ZNF660: variants seen among roughly 807,000 people sequenced by gnomAD.
ZNF660 encodes the protein zinc finger protein 660.
A neutral mutation model predicts 23.2 loss-of-function variants in ZNF660; 24 were observed. The observed-to-expected ratio is 1.04, with a 90% confidence interval of 0.75 to 1.46. The LOEUF (loss-of-function observed/expected upper bound fraction) is 1.46. Ranked by LOEUF, ZNF660 falls within the 40% of genes most tolerant of loss-of-function variation. ZNF660 has a pLI of 0.00. For missense variants in ZNF660, 373 were observed against 396.8 expected (o/e 0.94, Z 0.51); for synonymous variants, 117 against 131.4 (o/e 0.89, Z 0.75).
intron 2 of ZNF660, among the ~76,000 whole-genome samples, chr3:44,590,418 A>G (rs1415111085): frequency 6.6e-6 from 1 of 152,090 alleles, no homozygotes; most frequent in Non-Finnish European, 1.5e-5. Flanking sequence ...GAGGGAGAGC[A>G]TGTAAGAGAA....
intron 2 of ZNF660, among the ~76,000 whole-genome samples, chr3:44,592,275 A>G (rs569494859): frequency 5.9e-5 from 9 of 152,350 alleles, no homozygotes; most frequent in South Asian, 2.1e-4. Context: ...CCATAAATAT[A>G]TATACTTTTT....
Position 44,595,750 on chromosome 3 carries a change from C to T in ZNF660, c.*561C>T, listed in dbSNP as rs974212617. ...TTTCACTCAGCAGTGTTATGAAAGG[C>T]ACGTAGTATATAGAGCCCAAAGCCC... is the stretch of plus-strand genomic sequence containing the variant. On this transcript the variant is annotated 3_prime_UTR_variant, in exon 3 of 3. Transcript: ENST00000322734. 1.2e-5 allele frequency: 2 copies of T among 167,262 alleles called. No homozygotes were observed. Among genetic ancestry groups the T allele is most frequent in the Non-Finnish European group, 2.9e-5 (2 of 68,286 alleles). The allele number at this position is 167,262 out of a possible 1,614,324, so 10.4% of individuals were successfully genotyped here.
In ZNF660 at chr3:44,594,911, C is replaced by G. The variant is rs767591072; in HGVS notation, c.718C>G (p.His240Asp). 5 of 1,614,082 alleles carry G rather than the reference C, an allele frequency of 3.1e-6. No homozygotes were observed. Among genetic ancestry groups the G allele is most frequent in the Non-Finnish European group, 3.4e-6 (4 of 1,180,024 alleles). Residue 240 changes from histidine (H) to aspartate (D), a missense_variant, in exon 3 of 3, where the codon CAT becomes GAT. Coordinates refer to ENST00000322734, the MANE Select transcript of ZNF660 (RefSeq NM_173658.4). ...AACTCTTAATGAACACCAGAGACTT[C>G]ATCGTAGAGAGAAACCTTACAAATG... ...RKTLNEHQRLHRREKPYKCNE... is the reference protein window; with the variant it reads ...RKTLNEHQRLDRREKPYKCNE...
chr3:44,593,894 G>T (rs1041753515), intron 2 of ZNF660, 120 bp from the exon 3 acceptor site: 4 of 466,874 alleles, frequency 8.6e-6, no homozygotes, highest in Non-Finnish European at 1.2e-5. Context: ...TTTTTGATCT[G>T]TTCCCCTGCC....
At position 44,595,053 on chromosome 3, in the gene ZNF660, C is replaced by T. The variant is rs765196784; in HGVS notation, c.860C>T (p.Ser287Phe). Residue 287 changes from serine (S) to phenylalanine (F), a missense_variant, in exon 3 of 3, where the codon TCT (serine) becomes TTT (phenylalanine). Ser to Phe is a radical substitution (Grantham distance 155). Coordinates refer to ENST00000322734, the MANE Select transcript of ZNF660 (RefSeq NM_173658.4). ...NECGKTFRQT[S>F]QVILHLRTHT... The stretch of plus-strand genomic sequence containing the variant: ...TGTGGGAAAACCTTCAGGCAGACTT[C>T]TCAAGTTATTCTACACTTGAGAACC... The T allele has an allele frequency of 6.2e-7, 1 of 1,613,974 alleles. No individual in the cohort carries two copies. The highest frequency in any genetic ancestry group is 1.7e-5 in the Admixed American group (1 of 60,002).
intron 1 of ZNF660, among the ~76,000 whole-genome samples, chr3:44,585,647 G>A (rs901358771): frequency 6.6e-6 from 1 of 152,126 alleles, no homozygotes; most frequent in Non-Finnish European, 1.5e-5. Context: ...CAGAAAAAAG[G>A]AACATTCTTT....
rs1700533784 is a variant in ZNF660 at position 44,594,294 on chromosome 3, G to A, written c.101G>A (p.Cys34Tyr). 3.1e-6 allele frequency: 5 copies of A among 1,613,994 alleles called. No homozygotes were observed. Among genetic ancestry groups the A allele is most frequent in the Admixed American group, 1.7e-5 (1 of 60,010 alleles). Reference protein sequence around the residue: ...DQESEKDNSQCCDPATNERVQ... With the variant: ...DQESEKDNSQYCDPATNERVQ... ...GAATCTGAAAAAGACAATAGTCAGTGCTGTGACCCTGCAACAAATGAGAGA... is the reference window on the plus strand; with the variant it reads ...GAATCTGAAAAAGACAATAGTCAGTACTGTGACCCTGCAACAAATGAGAGA... Residue 34 changes from cysteine (C) to tyrosine (Y), a missense_variant, in exon 3 of 3, where the codon TGC (cysteine) becomes TAC (tyrosine). Transcript: ENST00000322734.
At chr3:44,593,531 T>C (rs1020046912) in intron 2 of ZNF660, among the ~76,000 whole-genome samples, 5 of 151,574 alleles carry the variant, frequency 3.3e-5, no homozygotes, top group Admixed American at 6.6e-5. Flanking sequence ...CTGGCCAACA[T>C]AGTGAAACCC....
Position 44,598,142 on chromosome 3 carries a change from CTT to C in ZNF660, c.*2968_*2969del, listed in dbSNP as rs57347534. 0.47 allele frequency: 45,299 copies of C among 95,576 alleles called. 6,830 individuals are homozygous for C. Among genetic ancestry groups the C allele is most frequent in the East Asian group, 0.71 (2,874 of 4,046 alleles). The allele number at this position is 95,576 out of a possible 1,614,324, so 5.9% of individuals were successfully genotyped here. ...CTTTTTCTTTCTTTTCTTTTCTTTTCTTTTTTTTTTTTTTTTGAGATGGAATC... is the reference window on the plus strand; with the variant it reads ...CTTTTTCTTTCTTTTCTTTTCTTTTCTTTTTTTTTTTTTTGAGATGGAATC... On this transcript the variant is annotated 3_prime_UTR_variant, in exon 3 of 3. Coordinates refer to ENST00000322734, the MANE Select transcript of ZNF660 (RefSeq NM_173658.4).
rs1310304767 is a variant in ZNF660 at position 44,594,474 on chromosome 3, T to C, written c.281T>C (p.Val94Ala). 1 of 1,614,002 alleles carries C rather than the reference T, an allele frequency of 6.2e-7. No individual in the cohort carries two copies. Among genetic ancestry groups the C allele is most frequent in the East Asian group, 2.2e-5 (1 of 44,892 alleles). ...GCTTTCAGTCATAGCTCTAACCTTG[T>C]TGTTCATCGGAGAATCCACACTGGA... ...GKAFSHSSNL[V>A]VHRRIHTGLK... Residue 94 changes from valine (V) to alanine (A), a missense_variant, in exon 3 of 3, where the codon GTT becomes GCT. By Grantham distance (64) the Val-to-Ala change is moderately conservative (BLOSUM62 0). Transcript: ENST00000322734.
Position 44,594,175 on chromosome 3 carries a change from A to T in ZNF660, c.-19A>T, listed in dbSNP as rs917183625. ...AGAGAAGACTAGAGAGGACACTGGT[A>T]TGTTCCAAGCAGGAGAAAATGAGGA... On this transcript the variant is annotated 5_prime_UTR_variant, in exon 3 of 3. The change abolishes an upstream ATG in the 5' untranslated region. Coordinates refer to ENST00000322734, the MANE Select transcript of ZNF660 (RefSeq NM_173658.4). 1 of 1,612,678 alleles carries T rather than the reference A, an allele frequency of 6.2e-7. No individual in the cohort carries two copies. Among genetic ancestry groups the T allele is most frequent in the Non-Finnish European group, 8.5e-7 (1 of 1,179,534 alleles).
intron 2 of ZNF660, among the ~76,000 whole-genome samples, chr3:44,587,433 C>T (rs1383234313): frequency 6.6e-6 from 1 of 152,168 alleles, no homozygotes; most frequent in African/African-American, 2.4e-5. Flanking sequence ...TTTTGCTTTT[C>T]TGTACAGTTG....
At chr3:44,588,959 C>G (rs1700325296) in intron 2 of ZNF660, among the ~76,000 whole-genome samples, 1 of 152,180 alleles carries the variant, frequency 6.6e-6, no homozygotes, top group Non-Finnish European at 1.5e-5. Flanking sequence ...TTCCTTCAGT[C>G]CATCCTCTGT....
Position 44,594,198 on chromosome 3 carries a change from G to C in ZNF660, c.5G>C (p.Arg2Thr), listed in dbSNP as rs1334403075. Reference sequence around the variant, plus strand: ...GTATGTTCCAAGCAGGAGAAAATGAGGAGAAAGACAAGAAATTTCAAACAT... The same window carrying C: ...GTATGTTCCAAGCAGGAGAAAATGACGAGAAAGACAAGAAATTTCAAACAT... M[R>T]RKTRNFKHKT... The change falls in exon 3 of 3, where the codon AGG (arginine) becomes ACG (threonine). Residue 2 changes from arginine (R) to threonine (T), a missense_variant. By Grantham distance (71) the Arg-to-Thr change is moderately conservative. Coordinates refer to ENST00000322734, the MANE Select transcript of ZNF660 (RefSeq NM_173658.4). The C allele has an allele frequency of 2.5e-6, 4 of 1,612,862 alleles. No individual in the cohort carries two copies. Among genetic ancestry groups the C allele is most frequent in the Middle Eastern group, 1.6e-4 (1 of 6,084 alleles).
intron 2 of ZNF660, among the ~76,000 whole-genome samples, chr3:44,591,008 T>G (rs1700405811): frequency 6.6e-6 from 1 of 152,232 alleles, no homozygotes; most frequent in Admixed American, 6.5e-5. Context: ...CCCGCATTTC[T>G]GAGATGTGAA....
rs189229969 is a variant in ZNF660, at chr3:44,591,052, C to T, written c.-180-2962C>T. ...TGTGCAGTTATCTTTTTGCCAGTCT[C>T]GAGTGCCACCATTTGCTATCTTCCT... On this transcript the variant is annotated intron_variant, in intron 2 of 2. Coordinates refer to ENST00000322734, the MANE Select transcript of ZNF660 (RefSeq NM_173658.4). Among the ~76,000 whole-genome samples the T allele has an allele frequency of 2.7e-3, 408 of 152,328 alleles. 1 individual carries two copies. The highest frequency in any genetic ancestry group is 9.5e-3 in the African/African-American group (393 of 41,580).
chr3:44,594,459 A>G lies in ZNF660; in HGVS notation c.266A>G (p.His89Arg). The G allele has an allele frequency of 6.2e-7, 1 of 1,614,074 alleles. No homozygotes were observed. The highest frequency in any genetic ancestry group is 1.3e-5 in the African/African-American group (1 of 75,004). Residue 89 changes from histidine to arginine, a missense_variant, in exon 3 of 3, where the codon CAT (histidine) becomes CGT (arginine). By Grantham distance (29) the His-to-Arg change is conservative. Coordinates refer to ENST00000322734, the MANE Select transcript of ZNF660 (RefSeq NM_173658.4). ...AAGGAGTGTGGAAAAGCTTTCAGTC[A>G]TAGCTCTAACCTTGTTGTTCATCGG... ...KCKECGKAFSHSSNLVVHRRI... is the reference protein window; with the variant it reads ...KCKECGKAFSRSSNLVVHRRI...
chr3:44,591,134 A>G (rs1436350666), intron 2 of ZNF660, among the ~76,000 whole-genome samples: 1 of 152,096 alleles, frequency 6.6e-6, no homozygotes, highest in Non-Finnish European at 1.5e-5. Context: ...AAATTGGTCA[A>G]ACTTTTTTTT....
At chr3:44,592,112 A>G (rs532817805) in intron 2 of ZNF660, among the ~76,000 whole-genome samples, 19 of 152,384 alleles carry the variant, frequency 1.2e-4, no homozygotes, top group Admixed American at 5.9e-4. Flanking sequence ...TGGTAATTAT[A>G]GTTAATATCA....
Sources: gnomAD v4.1 joint callset for allele counts (sites outside exome capture counted in the v4.1 genomes callset) on GRCh38, gnomAD v4.1.1 for gene constraint, MANE v1.5 for transcripts, NCBI Gene and HGNC (gene_info 2026-07-23, HGNC 2026-07-21) for gene names.